Variants in COLEC10 observed in about 807,000 individuals in gnomAD.
COLEC10 encodes collectin-10.
In COLEC10, 22 loss-of-function variants were observed where a neutral mutation model predicts 28.4. That is an observed-to-expected ratio of 0.78 (90% CI 0.55 to 1.11). The LOEUF (loss-of-function observed/expected upper bound fraction) is 1.11, where lower values mean the gene tolerates loss of function less well. Ranked by LOEUF, COLEC10 falls within the 50% of genes least tolerant of loss-of-function variation. The pLI, the probability that COLEC10 is intolerant of heterozygous loss-of-function variation, is 0.00. For missense variants in COLEC10, 361 were observed against 344.1 expected (o/e 1.05, Z -0.39); for synonymous variants, 125 against 116.1 (o/e 1.08, Z -0.49).
intron 3 of COLEC10, among the ~76,000 whole-genome samples, chr8:119,098,492 C>T (rs1321660811): frequency 2.0e-5 from 3 of 151,984 alleles, no homozygotes; most frequent in Admixed American, 6.6e-5. Context: ...TTATCTGTTT[C>T]CCCTCATAGA....
chr8:119,003,507 G>A (rs918920666), intron 1 of COLEC10, among the ~76,000 whole-genome samples: 5 of 152,042 alleles, frequency 3.3e-5, no homozygotes, highest in Non-Finnish European at 7.4e-5. Flanking sequence ...ACAGAAGAAG[G>A]CTGTGGTAGA....
chr8:119,039,931 C>G (rs937978910), intron 2 of COLEC10, among the ~76,000 whole-genome samples: 2 of 152,110 alleles, frequency 1.3e-5, no homozygotes, highest in African/African-American at 4.8e-5. Flanking sequence ...TACTTTAGTT[C>G]CACCTGAATT....
intron 2 of COLEC10, among the ~76,000 whole-genome samples, chr8:119,057,438 A>G (rs2130188995): frequency 6.6e-6 from 1 of 152,184 alleles, no homozygotes; most frequent in African/African-American, 2.4e-5. Flanking sequence ...ACATCCTGAA[A>G]GAAACATTTC....
intron 2 of COLEC10, among the ~76,000 whole-genome samples, chr8:119,031,443 T>C (rs35924954): frequency 0.06 from 9,161 of 152,304 alleles, 375 homozygotes; most frequent in Non-Finnish European, 0.093. Context: ...TAGGGTGGTG[T>C]TGGACACAGA....
intron 2 of COLEC10, among the ~76,000 whole-genome samples, chr8:119,034,855 T>C (rs530614245): frequency 6.6e-6 from 1 of 152,302 alleles, no homozygotes; most frequent in East Asian, 1.9e-4. Context: ...CATCTGTAAA[T>C]GGGAATCAAA....
intron 2 of COLEC10, among the ~76,000 whole-genome samples, chr8:119,032,927 CAAACCAGAGGTCTT>C (rs1814317873): frequency 6.6e-6 from 1 of 152,148 alleles, no homozygotes; most frequent in Non-Finnish European, 1.5e-5. Context: ...CAAACCAAAA[CAAACCAGAGGTCTT>C]CCTGGCCATT....
chr8:119,052,461 T>C lies in COLEC10; in HGVS notation n.236-37219T>C, dbSNP rs191454863. ...TGCCATTACCCAAGGCATTATCTCA[T>C]TGAATTTTTAAAGCTACCATAGCTA... On this transcript the variant is annotated intron_variant and non_coding_transcript_variant, in intron 2 of 6. Coordinates refer to the COLEC10 transcript ENST00000521788. Among the ~76,000 whole-genome samples the C allele has an allele frequency of 3.3e-3, 509 of 152,300 alleles. 2 individuals are homozygous for C. Among genetic ancestry groups the C allele is most frequent in the Middle Eastern group, 6.8e-3 (2 of 294 alleles).
chr8:119,058,810 G>A (rs1814805048), intron 2 of COLEC10, among the ~76,000 whole-genome samples: 1 of 152,006 alleles, frequency 6.6e-6, no homozygotes, highest in African/African-American at 2.4e-5. Context: ...TATGCTTTAA[G>A]TTTATATTTA....
chr8:119,067,774 ATTATTG>A, intron 1 of COLEC10: 1 of 193,768 alleles, frequency 5.2e-6, no homozygotes, highest in Non-Finnish European at 1.1e-5. Context: ...AAGCACCTCT[ATTATTG>A]CACTGTTTGT....
the COLEC10 span, among the ~76,000 whole-genome samples, chr8:118,976,180 T>C: frequency 1.3e-4 from 20 of 152,106 alleles, no homozygotes; most frequent in African/African-American, 4.3e-4. Context: ...TATCCTCTTT[T>C]ATTTTCCCAC....
intron 2 of COLEC10, among the ~76,000 whole-genome samples, chr8:119,058,412 A>C (rs952904232): frequency 6.6e-6 from 1 of 151,996 alleles, no homozygotes; most frequent in African/African-American, 2.4e-5. Context: ...TCCATTTTCA[A>C]AAAATCCCTG....
the COLEC10 span, among the ~76,000 whole-genome samples, chr8:118,984,436 A>G: frequency 0.18 from 26,817 of 152,020 alleles, 2,697 homozygotes; most frequent in African/African-American, 0.29. Context: ...CCCCCATGAC[A>G]TGAGTTTACC....
At position 119,053,300 on chromosome 8, in the gene COLEC10, T is replaced by C. The variant is rs144283306; in HGVS notation, n.236-36380T>C. Among the ~76,000 whole-genome samples, 26 of 152,114 alleles carry C rather than the reference T, an allele frequency of 1.7e-4. No homozygotes were observed. In the East Asian group the frequency reaches 4.3e-3, roughly 25 times the overall value. ...CTAAAAAGAGATGAGCAGCAGTGAA[T>C]AGGAAATAAGTCTTCAGGAATTCTC... On this transcript the variant is annotated intron_variant and non_coding_transcript_variant, in intron 2 of 6. Transcript: ENST00000521788.
intron 1 of COLEC10, among the ~76,000 whole-genome samples, chr8:118,997,598 C>G (rs1056360436): frequency 6.6e-6 from 1 of 152,124 alleles, no homozygotes; most frequent in African/African-American, 2.4e-5. Context: ...AGTGACATAG[C>G]AAAATTGTGA....
intron 1 of COLEC10, among the ~76,000 whole-genome samples, chr8:118,998,697 A>T (rs74696012): frequency 6.6e-6 from 1 of 150,646 alleles, no homozygotes; most frequent in Non-Finnish European, 1.5e-5. Context: ...AAAAAAAAAA[A>T]TTAGCCAGGC....
intron 2 of COLEC10, 71 bp downstream of exon 2, chr8:119,089,822 T>A: frequency 7.7e-7 from 1 of 1,297,386 alleles, no homozygotes; most frequent in Non-Finnish European, 1.1e-6. Flanking sequence ...GCCCTTGCCC[T>A]GGAAATTAGC....
chr8:118,983,822 A>C, the COLEC10 span, among the ~76,000 whole-genome samples: 1 of 152,154 alleles, frequency 6.6e-6, no homozygotes, highest in Non-Finnish European at 1.5e-5. Flanking sequence ...ATTGTTAAAA[A>C]ATAAAAAAAT....
At chr8:119,035,427 G>C (rs1041974181) in intron 2 of COLEC10, among the ~76,000 whole-genome samples, 6 of 152,210 alleles carry the variant, frequency 3.9e-5, no homozygotes, top group African/African-American at 1.4e-4. Context: ...GCTGAGCTTA[G>C]ATATCAATCC....
chr8:119,070,446 GCT>G lies in COLEC10; in HGVS notation c.148+3047_148+3048del, dbSNP rs760543405. ...ACAGGAAAATGAAATGTTCTCCCTC[GCT>G]CTCTCTCTCTCTCTCTCTCTCTCTC... On this transcript the variant is annotated intron_variant, in intron 1 of 5. Coordinates refer to ENST00000332843, the MANE Select transcript of COLEC10 (RefSeq NM_006438.5). Among the ~76,000 whole-genome samples, 156 of 80,564 alleles carry G rather than the reference GCT, an allele frequency of 1.9e-3. 8 individuals are homozygous for G. Among genetic ancestry groups the G allele is most frequent in the South Asian group, 6.7e-3 (14 of 2,092 alleles). The allele number at this position is 80,564 out of a possible 152,430, so 52.9% of individuals were successfully genotyped here.
Sources: gnomAD v4.1 joint callset for allele counts (sites outside exome capture counted in the v4.1 genomes callset) on GRCh38, gnomAD v4.1.1 for gene constraint, MANE v1.5 for transcripts, NCBI Gene and HGNC (gene_info 2026-07-23, HGNC 2026-07-21) for gene names.